RSBN1L: variants seen among roughly 807,000 people sequenced by gnomAD.
RSBN1L encodes round spermatid basic protein 1 like.
A neutral mutation model predicts 67.7 loss-of-function variants in RSBN1L; 30 were observed. That is an observed-to-expected ratio of 0.44 (90% CI 0.33 to 0.60). The LOEUF is 0.60. RSBN1L is among the 20% of genes least tolerant of loss of function. The pLI is 0.02. For synonymous variants in RSBN1L, 433 were observed against 387.0 expected (o/e 1.12, Z -1.39); for missense variants, 992 against 1,031.7 (o/e 0.96, Z 0.53).
At chr7:77,699,232 A>G (rs1790781332) in intron 1 of RSBN1L, among the ~76,000 whole-genome samples, 1 of 152,204 alleles carries the variant, frequency 6.6e-6, no homozygotes. Flanking sequence ...TGGCTGATTG[A>G]ACAGTCTGAG....
rs1791806444 is a variant in RSBN1L, at chr7:77,768,649, A to T, written c.1483-12A>T. 27 of 1,607,138 alleles carry T rather than the reference A, an allele frequency of 1.7e-5. No individual in the cohort carries two copies. Among genetic ancestry groups the T allele is most frequent in the Non-Finnish European group, 2.2e-5 (26 of 1,175,814 alleles). ...GAAAATAATTGCAATCTGCATAATT[A>T]TTTATCTCCAGTGTACACTGCCATG... On this transcript the variant is annotated splice_polypyrimidine_tract_variant and intron_variant, in intron 4 of 7. Transcript: ENST00000334955.
At chr7:77,732,759 A>G (rs183073156) in intron 1 of RSBN1L, among the ~76,000 whole-genome samples, 1 of 152,340 alleles carries the variant, frequency 6.6e-6, no homozygotes, top group African/African-American at 2.4e-5. Flanking sequence ...TATTATAGGT[A>G]AATAGATATT....
chr7:77,765,363 A>G, intron 3 of RSBN1L, 132 bp from the exon 4 acceptor site: 1 of 707,500 alleles, frequency 1.4e-6, no homozygotes, highest in Non-Finnish European at 2.1e-6. Context: ...ATTATGATAT[A>G]ATATTCTGAG....
rs36054297 is a variant in RSBN1L, at chr7:77,750,296, G to GTTTTT, written c.1344+253_1344+257dup. 5.1e-3 allele frequency among the ~76,000 whole-genome samples: 293 copies of GTTTTT among 57,470 alleles called. 24 individuals are homozygous for GTTTTT. Among genetic ancestry groups the GTTTTT allele is most frequent in the African/African-American group, 0.012 (176 of 14,484 alleles). The allele number at this position is 57,470 out of a possible 152,430, so 37.7% of individuals were successfully genotyped here. On this transcript the variant is annotated intron_variant, in intron 3 of 7. Transcript: ENST00000334955. ...ATTAATGAAATAATTAAGATTCTGTGTTTTTTTTTTTTTTTTTTTTTTTTT... is the reference window on the plus strand; with the variant it reads ...ATTAATGAAATAATTAAGATTCTGTGTTTTTTTTTTTTTTTTTTTTTTTTTTTTTT...
At chr7:77,765,404 A>G in intron 3 of RSBN1L, 91 bp from the exon 4 acceptor site, 2 of 1,000,786 alleles carry the variant, frequency 2.0e-6, no homozygotes, top group Non-Finnish European at 2.8e-6. Context: ...AATGATAGCA[A>G]GCATTATCTT....
At chr7:77,737,631 A>C (rs1791354540) in intron 2 of RSBN1L, among the ~76,000 whole-genome samples, 1 of 152,120 alleles carries the variant, frequency 6.6e-6, no homozygotes, top group Admixed American at 6.6e-5. Context: ...TTGCCTGCAT[A>C]TTCTATCTGT....
At chr7:77,722,955 T>G (rs950708595) in intron 1 of RSBN1L, among the ~76,000 whole-genome samples, 17 of 147,026 alleles carry the variant, frequency 1.2e-4, no homozygotes, top group South Asian at 2.1e-4. Flanking sequence ...ATTCTAACAT[T>G]TCTTTCTCTC....
At chr7:77,755,521 C>T (rs1400267925) in intron 3 of RSBN1L, among the ~76,000 whole-genome samples, 1 of 151,996 alleles carries the variant, frequency 6.6e-6, no homozygotes, top group African/African-American at 2.4e-5. Flanking sequence ...CAAAAATTAG[C>T]TGGGCATGGT....
At chr7:77,746,620 A>G (rs1791487930) in intron 2 of RSBN1L, among the ~76,000 whole-genome samples, 1 of 152,122 alleles carries the variant, frequency 6.6e-6, no homozygotes, top group Admixed American at 6.5e-5. Flanking sequence ...CCCAAATCTT[A>G]ACTCATTCCA....
intron 4 of RSBN1L, among the ~76,000 whole-genome samples, chr7:77,767,371 T>C (rs1440220268): frequency 2.6e-5 from 4 of 152,102 alleles, no homozygotes; most frequent in African/African-American, 9.6e-5. Flanking sequence ...CTGTCTTTTT[T>C]TGTTTGTTTG....
intron 1 of RSBN1L, among the ~76,000 whole-genome samples, chr7:77,729,922 C>G (rs576857966): frequency 2.0e-4 from 31 of 152,074 alleles, no homozygotes; most frequent in Non-Finnish European, 4.0e-4. Context: ...CCACTGCACT[C>G]CAGTCCATGT....
intron 2 of RSBN1L, among the ~76,000 whole-genome samples, chr7:77,742,014 T>C (rs1562802324): frequency 6.6e-6 from 1 of 151,818 alleles, no homozygotes; most frequent in Non-Finnish European, 1.5e-5. Flanking sequence ...AGCATATGGT[T>C]GTACTTATGG....
At position 77,708,153 on chromosome 7, in the gene RSBN1L, T is replaced by C. The variant is rs1790919590; in HGVS notation, c.586+11098T>C. 2.0e-5 allele frequency among the ~76,000 whole-genome samples: 3 copies of C among 152,120 alleles called. No individual in the cohort carries two copies. The South Asian group carries it at 6.2e-4, about 31-fold the overall frequency. On this transcript the variant is annotated intron_variant, in intron 1 of 7. Coordinates refer to ENST00000334955, the MANE Select transcript of RSBN1L (RefSeq NM_198467.3). ...ACTACCAAATGAATGAACTGGGTTT[T>C]GGAGGAAGAGTAGAATTTAGGTAAA...
chr7:77,701,168 A>C lies in RSBN1L; in HGVS notation c.586+4113A>C, dbSNP rs113538312. On this transcript the variant is annotated intron_variant, in intron 1 of 7. Transcript: ENST00000334955. ...CTCTGGCTCAAAAAAAAAAAAAAAA[A>C]AACAACAACAACAACAACAACAAAA... 6.1e-3 allele frequency among the ~76,000 whole-genome samples: 834 copies of C among 135,658 alleles called. 3 individuals carry two copies. Among genetic ancestry groups the C allele is most frequent in the Middle Eastern group, 0.034 (9 of 264 alleles). The allele number at this position is 135,658 out of a possible 152,430, so 89.0% of individuals were successfully genotyped here. A position where few individuals can be genotyped will look rare whatever the true frequency, so the allele number is the denominator to read the frequency against.
chr7:77,700,334 T>C (rs1222323207), intron 1 of RSBN1L, among the ~76,000 whole-genome samples: 2 of 152,198 alleles, frequency 1.3e-5, no homozygotes, highest in Admixed American at 6.5e-5. Flanking sequence ...CCAGCAAAAT[T>C]TGTATAGATC....
At chr7:77,711,343 T>A (rs966788223) in intron 1 of RSBN1L, among the ~76,000 whole-genome samples, 3 of 123,942 alleles carry the variant, frequency 2.4e-5, no homozygotes, top group Non-Finnish European at 5.0e-5. Flanking sequence ...TTTTTTTTTT[T>A]ACCATTTTTA....
At chr7:77,712,858 G>A (rs1790993827) in intron 1 of RSBN1L, among the ~76,000 whole-genome samples, 3 of 152,086 alleles carry the variant, frequency 2.0e-5, no homozygotes, top group South Asian at 2.1e-4. Flanking sequence ...TTAGGATAAA[G>A]TTCTAAAAGT....
chr7:77,717,117 C>T (rs1791059344), intron 1 of RSBN1L, among the ~76,000 whole-genome samples: 1 of 152,004 alleles, frequency 6.6e-6, no homozygotes, highest in Admixed American at 6.6e-5. Flanking sequence ...AGCGACACCA[C>T]TCCCAGCTGT....
At chr7:77,716,353 A>G (rs576593826) in intron 1 of RSBN1L, among the ~76,000 whole-genome samples, 1 of 150,160 alleles carries the variant, frequency 6.7e-6, no homozygotes, top group African/African-American at 2.4e-5. Flanking sequence ...ACCGTCTCTC[A>G]CTTTTGTCAC....
Sources: gnomAD v4.1 joint callset for allele counts (sites outside exome capture counted in the v4.1 genomes callset) on GRCh38, gnomAD v4.1.1 for gene constraint, MANE v1.5 for transcripts, NCBI Gene and HGNC (gene_info 2026-07-23, HGNC 2026-07-21) for gene names.